The following SPIDR variants were observed in gnomAD, a reference collection of about 807,000 sequenced individuals.
The protein encoded by SPIDR is scaffold protein involved in DNA repair.
In SPIDR, 93 loss-of-function variants were observed where a neutral mutation model predicts 104.6. That is an observed-to-expected ratio of 0.89 (90% confidence interval 0.75 to 1.06). The LOEUF (loss-of-function observed/expected upper bound fraction) is 1.06. Among genes scored for constraint, SPIDR ranks in the 50% least tolerant of loss-of-function variants. SPIDR has a pLI of 0.00. For missense variants in SPIDR, 1,154 were observed against 1,111.2 expected (o/e 1.04, Z -0.55); for synonymous variants, 431 against 416.9 (o/e 1.03, Z -0.41).
intron 8 of SPIDR, among the ~76,000 whole-genome samples, chr8:47,515,486 T>C (rs991604197): frequency 6.6e-6 from 1 of 152,214 alleles, no homozygotes; most frequent in African/African-American, 2.4e-5. Context: ...AGGTGGGGTA[T>C]AATTAAGGCC....
intron 10 of SPIDR, among the ~76,000 whole-genome samples, chr8:47,633,398 T>G (rs10441580): frequency 0.69 from 103,680 of 151,138 alleles, 35,835 homozygotes; most frequent in East Asian, 0.82. Flanking sequence ...ACAGTCTTCT[T>G]TATAGGAGGG....
chr8:47,358,648 T>G (rs1438879851), intron 5 of SPIDR, among the ~76,000 whole-genome samples: 5 of 152,236 alleles, frequency 3.3e-5, no homozygotes, highest in African/African-American at 4.8e-5. Context: ...TCCCTGTTGC[T>G]ATTTCTAAAC....
chr8:47,296,365 C>G (rs2040842539), intron 5 of SPIDR, among the ~76,000 whole-genome samples: 2 of 152,062 alleles, frequency 1.3e-5, no homozygotes, highest in South Asian at 4.1e-4. Flanking sequence ...AGCATTTTCC[C>G]TATGTTTTAT....
rs573717323 is a variant in SPIDR at position 47,693,992 on chromosome 8, C to G, written c.1686-6411C>G. On this transcript the variant is annotated intron_variant, in intron 11 of 19. Transcript: ENST00000297423. ...CAGGAGCCACATGAAGAGCTCCTTT[C>G]CGGTCCAGAGAGACTTCCTCAGTCT... Among the ~76,000 whole-genome samples the G allele has an allele frequency of 4.6e-5, 7 of 152,322 alleles. 2 individuals carry two copies. The South Asian group carries it at 1.5e-3, about 32-fold the overall frequency.
rs76053748 is a variant in SPIDR at position 47,601,711 on chromosome 8, T to TTG, written c.1544+2516_1544+2517dup. On this transcript the variant is annotated intron_variant, in intron 10 of 19. Transcript: ENST00000297423. ...CGTCTCAAAAAGAAAAGGGAGAAAATTGAGTTAGAACCAAGCCGTGTTTAG... is the reference window on the plus strand; with the variant it reads ...CGTCTCAAAAAGAAAAGGGAGAAAATTGTGAGTTAGAACCAAGCCGTGTTTAG... 0.012 allele frequency among the ~76,000 whole-genome samples: 1,767 copies of TTG among 151,924 alleles called. 75 individuals carry two copies. In the East Asian group the frequency reaches 0.14, roughly 12 times the overall value.
intron 18 of SPIDR, 76 bp downstream of exon 18, chr8:47,729,123 G>C (rs561372497): frequency 1.3e-6 from 2 of 1,572,358 alleles, no homozygotes. Flanking sequence ...GCTGAAGCAG[G>C]TGCACGTCCT....
intron 5 of SPIDR, among the ~76,000 whole-genome samples, chr8:47,319,189 T>A (rs1321189149): frequency 6.6e-6 from 1 of 152,126 alleles, no homozygotes; most frequent in African/African-American, 2.4e-5. Flanking sequence ...TGTGCGGTAT[T>A]CAGGAAACCC....
intron 19 of SPIDR, 59 bp downstream of exon 19, chr8:47,729,524 C>T (rs1589605743): frequency 6.5e-7 from 1 of 1,543,596 alleles, no homozygotes; most frequent in East Asian, 2.4e-5. Flanking sequence ...ATGAGCAACT[C>T]ATCCCCAGAG....
At chr8:47,576,708 A>C (rs955305623) in intron 8 of SPIDR, among the ~76,000 whole-genome samples, 4 of 152,274 alleles carry the variant, frequency 2.6e-5, no homozygotes, top group Non-Finnish European at 5.9e-5. Context: ...TGCTGGGATT[A>C]CAGGCATGAG....
intron 16 of SPIDR, among the ~76,000 whole-genome samples, chr8:47,717,990 T>A (rs183649874): frequency 1.6e-4 from 24 of 152,308 alleles, no homozygotes; most frequent in African/African-American, 5.1e-4. Flanking sequence ...GCACATGCTG[T>A]TGGCACCCTC....
intron 10 of SPIDR, among the ~76,000 whole-genome samples, chr8:47,642,077 G>T (rs1048493673): frequency 6.6e-6 from 1 of 152,102 alleles, no homozygotes. Context: ...CTTGGTTGAG[G>T]ATGCTGTGAA....
chr8:47,495,870 G>A (rs1338175740), intron 8 of SPIDR, among the ~76,000 whole-genome samples: 1 of 151,938 alleles, frequency 6.6e-6, no homozygotes, highest in African/African-American at 2.4e-5. Flanking sequence ...CTTTCCCATT[G>A]ATTTATATTT....
At chr8:47,433,330 C>T (rs1031825499) in intron 7 of SPIDR, among the ~76,000 whole-genome samples, 2 of 152,188 alleles carry the variant, frequency 1.3e-5, no homozygotes, top group Admixed American at 6.5e-5. Context: ...GTTCTCAACA[C>T]GGCTCATCAT....
chr8:47,510,184 G>A (rs2082101554), intron 8 of SPIDR, among the ~76,000 whole-genome samples: 1 of 152,136 alleles, frequency 6.6e-6, no homozygotes, highest in Non-Finnish European at 1.5e-5. Flanking sequence ...AACTCATGAA[G>A]GAATCTTCAG....
intron 10 of SPIDR, among the ~76,000 whole-genome samples, chr8:47,623,547 A>G (rs950197601): frequency 6.6e-6 from 1 of 152,226 alleles, no homozygotes; most frequent in Admixed American, 6.5e-5. Context: ...AGGAAGATCT[A>G]CCAAGCAAAT....
chr8:47,289,701 C>A (rs1201150319), intron 3 of SPIDR, among the ~76,000 whole-genome samples: 2 of 152,192 alleles, frequency 1.3e-5, no homozygotes, highest in African/African-American at 4.8e-5. Context: ...AACAGTCTGG[C>A]AGTTTCTTAA....
chr8:47,269,960 T>G (rs950334049), intron 1 of SPIDR, among the ~76,000 whole-genome samples: 1 of 152,230 alleles, frequency 6.6e-6, no homozygotes, highest in Admixed American at 6.5e-5. Context: ...TGACATTGAT[T>G]GAATTTTCAA....
At chr8:47,673,633 A>T in intron 10 of SPIDR, 168 bp from the exon 11 acceptor site, 2 of 847,220 alleles carry the variant, frequency 2.4e-6, no homozygotes, top group Non-Finnish European at 3.7e-6. Flanking sequence ...AGATGACTAC[A>T]GTGGATTTCT....
At chr8:47,610,101 C>A (rs893036204) in intron 10 of SPIDR, among the ~76,000 whole-genome samples, 9 of 152,014 alleles carry the variant, frequency 5.9e-5, no homozygotes, top group African/African-American at 1.4e-4. Flanking sequence ...TCAAGGTGGC[C>A]CTATATAAAA....
Sources: allele counts gnomAD v4.1 joint callset (sites outside exome capture counted in the v4.1 genomes callset), GRCh38; gene constraint gnomAD v4.1.1; transcripts MANE v1.5; gene names NCBI Gene and HGNC (gene_info 2026-07-23, HGNC 2026-07-21).